Variants in EXOC6B observed in about 807,000 individuals in gnomAD.
EXOC6B encodes the protein exocyst complex component 6B.
Under a neutral mutation model 113.5 loss-of-function variants are expected in EXOC6B, and 54 were observed. That is an observed-to-expected ratio of 0.48 (90% CI 0.38 to 0.60). The LOEUF is 0.60. Ranked by LOEUF, EXOC6B falls within the 20% of genes least tolerant of loss-of-function variation. The probability of loss-of-function intolerance (pLI) is 0.00; values close to 1 mark genes in which losing one functional copy is unlikely to be tolerated. For synonymous variants in EXOC6B, 357 were observed against 339.0 expected (o/e 1.05, Z -0.58); for missense variants, 797 against 977.5 (o/e 0.82, Z 2.46).
intron 6 of EXOC6B, among the ~76,000 whole-genome samples, chr2:72,652,580 G>C (rs1260955344): frequency 6.6e-6 from 1 of 151,384 alleles, no homozygotes; most frequent in African/African-American, 2.4e-5. Flanking sequence ...CTGAAATCTT[G>C]AGAGGAAATT....
At chr2:72,403,113 G>A (rs1439887476) in intron 18 of EXOC6B, among the ~76,000 whole-genome samples, 1 of 152,144 alleles carries the variant, frequency 6.6e-6, no homozygotes, top group South Asian at 2.1e-4. Context: ...AAAGATTAGG[G>A]TCTATTTAAG....
At chr2:72,327,906 T>C (rs1023247910) in intron 20 of EXOC6B, among the ~76,000 whole-genome samples, 1 of 152,128 alleles carries the variant, frequency 6.6e-6, no homozygotes. Context: ...AGGAGATAGA[T>C]CTTTTTTGCA....
At chr2:72,374,261 T>C (rs1426511033) in intron 19 of EXOC6B, among the ~76,000 whole-genome samples, 2 of 152,184 alleles carry the variant, frequency 1.3e-5, no homozygotes, top group African/African-American at 2.4e-5. Context: ...CCATTCACGA[T>C]AGCCAAGATT....
intron 17 of EXOC6B, among the ~76,000 whole-genome samples, chr2:72,473,311 C>A (rs1283946293): frequency 6.6e-6 from 1 of 151,946 alleles, no homozygotes; most frequent in African/African-American, 2.4e-5. Context: ...TCAGAGTTCA[C>A]CTTTTTATTT....
rs1043360683 is a variant in EXOC6B, at chr2:72,270,710, C to A, written c.2196+64237G>T. On this transcript the variant is annotated intron_variant, in intron 20 of 21. Coordinates refer to ENST00000272427, the MANE Select transcript of EXOC6B (RefSeq NM_015189.3). Reference sequence around the variant, plus strand: ...TATCAGTAGCAGATACAGATTTCTCCTTTAATATTTAATAATTTAATAATT... The same window carrying A: ...TATCAGTAGCAGATACAGATTTCTCATTTAATATTTAATAATTTAATAATT... Among the ~76,000 whole-genome samples the A allele has an allele frequency of 2.0e-4, 31 of 151,802 alleles. 1 individual carries two copies. Among genetic ancestry groups the A allele is most frequent in the Non-Finnish European group, 4.0e-4 (27 of 67,962 alleles).
intron 6 of EXOC6B, among the ~76,000 whole-genome samples, chr2:72,610,320 C>A (rs932548370): frequency 1.3e-5 from 2 of 152,104 alleles, no homozygotes; most frequent in African/African-American, 4.8e-5. Context: ...AATAGCAAAA[C>A]CACAATTACT....
intron 1 of EXOC6B, among the ~76,000 whole-genome samples, chr2:72,808,481 A>C (rs1460545144): frequency 6.6e-6 from 1 of 152,186 alleles, no homozygotes; most frequent in African/African-American, 2.4e-5. Flanking sequence ...AACAGAGGGC[A>C]AGCATGGTGG....
intron 18 of EXOC6B, among the ~76,000 whole-genome samples, chr2:72,387,662 ATATT>A (rs1216264931): frequency 1.3e-5 from 2 of 152,106 alleles, no homozygotes; most frequent in Non-Finnish European, 2.9e-5. Flanking sequence ...ACTTGACTAT[ATATT>A]TAGTCTCTGT....
chr2:72,598,684 T>C (rs1484551630), intron 6 of EXOC6B, among the ~76,000 whole-genome samples: 1 of 151,998 alleles, frequency 6.6e-6, no homozygotes, highest in Non-Finnish European at 1.5e-5. Context: ...ACAGAAGCCA[T>C]ATATTACAAA....
intron 2 of EXOC6B, among the ~76,000 whole-genome samples, chr2:72,734,548 T>C (rs1366159675): frequency 6.6e-6 from 1 of 152,212 alleles, no homozygotes; most frequent in Non-Finnish European, 1.5e-5. Context: ...TATTCAACTC[T>C]ACCTCTGTAG....
intron 20 of EXOC6B, among the ~76,000 whole-genome samples, chr2:72,260,142 A>G (rs1038612486): frequency 3.9e-5 from 6 of 152,172 alleles, no homozygotes; most frequent in Non-Finnish European, 8.8e-5. Flanking sequence ...CTCCCTCTTC[A>G]TGTTTATATA....
intron 18 of EXOC6B, among the ~76,000 whole-genome samples, chr2:72,459,013 C>A (rs1697440922): frequency 6.6e-6 from 1 of 151,992 alleles, no homozygotes; most frequent in Admixed American, 6.6e-5. Context: ...ATTCAGAAAA[C>A]ATTTTCTAAA....
At chr2:72,384,373 C>A (rs1691869724) in intron 18 of EXOC6B, among the ~76,000 whole-genome samples, 1 of 151,788 alleles carries the variant, frequency 6.6e-6, no homozygotes, top group African/African-American at 2.4e-5. Flanking sequence ...TAACTTAATA[C>A]ATTAAAAGCC....
At position 72,507,510 on chromosome 2, in the gene EXOC6B, T is replaced by G. The variant is rs1256315357; in HGVS notation, c.1167+5622A>C. Among the ~76,000 whole-genome samples the G allele has an allele frequency of 2.0e-5, 3 of 152,024 alleles. No individual in the cohort carries two copies. In the East Asian group the frequency reaches 5.8e-4, roughly 29 times the overall value. On this transcript the variant is annotated intron_variant, in intron 11 of 21. Coordinates refer to ENST00000272427, the MANE Select transcript of EXOC6B (RefSeq NM_015189.3). ...CATAGTCAAACTTTGGAAATTTTCT[T>G]TACTTTAAAATGAAACCTATGTAAC...
intron 6 of EXOC6B, among the ~76,000 whole-genome samples, chr2:72,679,739 G>A (rs1676556842): frequency 6.6e-6 from 1 of 152,156 alleles, no homozygotes; most frequent in African/African-American, 2.4e-5. Flanking sequence ...AATCTTAGAA[G>A]CTGATGGAAA....
intron 6 of EXOC6B, among the ~76,000 whole-genome samples, chr2:72,616,379 T>C (rs1671386282): frequency 6.6e-6 from 1 of 152,268 alleles, no homozygotes; most frequent in South Asian, 2.1e-4. Context: ...CTTCAAAATA[T>C]ACTACTAAGC....
At chr2:72,351,751 C>A (rs1450696282) in intron 19 of EXOC6B, among the ~76,000 whole-genome samples, 2 of 152,088 alleles carry the variant, frequency 1.3e-5, no homozygotes, top group Non-Finnish European at 2.9e-5. Flanking sequence ...GGATTTATCA[C>A]CCTTTTGCTA....
At chr2:72,291,408 C>T (rs752963902) in intron 20 of EXOC6B, among the ~76,000 whole-genome samples, 3 of 152,178 alleles carry the variant, frequency 2.0e-5, no homozygotes, top group Non-Finnish European at 4.4e-5. Flanking sequence ...CCTCCACCTT[C>T]AATAAATTTG....
At chr2:72,672,577 G>T (rs139705238) in intron 6 of EXOC6B, among the ~76,000 whole-genome samples, 16 of 148,894 alleles carry the variant, frequency 1.1e-4, no homozygotes, top group African/African-American at 3.9e-4. Context: ...AAAAGAAAAA[G>T]AAAAGAAAAG....
Sources: gnomAD v4.1 joint callset for allele counts (sites outside exome capture counted in the v4.1 genomes callset) on GRCh38, gnomAD v4.1.1 for gene constraint, MANE v1.5 for transcripts, NCBI Gene and HGNC (gene_info 2026-07-23, HGNC 2026-07-21) for gene names.